SPAG16: variants seen among roughly 807,000 people sequenced by gnomAD.
SPAG16 encodes sperm-associated antigen 16 protein.
SPAG16 carries 86 observed loss-of-function variants against 80.4 expected under a neutral mutation model. That is an observed-to-expected ratio of 1.07 (90% CI 0.90 to 1.28). The LOEUF (loss-of-function observed/expected upper bound fraction) is 1.28. SPAG16 is among the 50% of genes most tolerant of loss of function. The pLI is 0.00. For synonymous variants in SPAG16, 294 were observed against 265.9 expected, an observed-to-expected ratio of 1.11 and a Z score of -1.03; for missense variants, 870 against 765.3, an observed-to-expected ratio of 1.14 and a Z score of -1.61.
chr2:213,745,805 C>G (rs1010566146), intron 10 of SPAG16, among the ~76,000 whole-genome samples: 4 of 152,008 alleles, frequency 2.6e-5, no homozygotes, highest in Non-Finnish European at 4.4e-5. Flanking sequence ...CACTTCTTGA[C>G]CTTAAATACT....
At chr2:213,423,974 A>G (rs1400598633) in intron 9 of SPAG16, among the ~76,000 whole-genome samples, 1 of 152,166 alleles carries the variant, frequency 6.6e-6, no homozygotes, top group East Asian at 1.9e-4. Flanking sequence ...TCCTACATTC[A>G]TAGTTGGCTG....
intron 15 of SPAG16, among the ~76,000 whole-genome samples, chr2:214,200,404 G>A (rs1343356190): frequency 1.3e-5 from 2 of 152,110 alleles, no homozygotes; most frequent in Non-Finnish European, 2.9e-5. Context: ...ATTTGCATAT[G>A]TTAAACCACC....
At chr2:214,057,417 T>C (rs1413462037) in intron 13 of SPAG16, among the ~76,000 whole-genome samples, 1 of 152,166 alleles carries the variant, frequency 6.6e-6, no homozygotes, top group Non-Finnish European at 1.5e-5. Flanking sequence ...ATATTATTAA[T>C]CTTTTTTTTG....
intron 5 of SPAG16, among the ~76,000 whole-genome samples, chr2:213,336,716 GT>G (rs1240541049): frequency 2.6e-5 from 4 of 152,194 alleles, no homozygotes; most frequent in African/African-American, 9.7e-5. Flanking sequence ...CTAGACAGGA[GT>G]TTATGAACAG....
chr2:213,910,255 C>T (rs971356944), intron 11 of SPAG16, among the ~76,000 whole-genome samples: 3 of 152,032 alleles, frequency 2.0e-5, no homozygotes, highest in African/African-American at 7.2e-5. Context: ...TTATTTTATT[C>T]CACTAGTTAC....
intron 10 of SPAG16, among the ~76,000 whole-genome samples, chr2:213,690,789 C>G (rs2125294020): frequency 6.6e-6 from 1 of 152,214 alleles, no homozygotes; most frequent in East Asian, 1.9e-4. Context: ...GTTCTTCAGC[C>G]TTTGGTCTGT....
intron 10 of SPAG16, among the ~76,000 whole-genome samples, chr2:213,751,386 A>C (rs1023051848): frequency 6.6e-6 from 1 of 152,176 alleles, no homozygotes; most frequent in African/African-American, 2.4e-5. Flanking sequence ...TCAATATTAG[A>C]ATAATGTAAA....
intron 15 of SPAG16, among the ~76,000 whole-genome samples, chr2:214,281,898 A>G (rs1174185534): frequency 6.6e-6 from 1 of 152,216 alleles, no homozygotes; most frequent in Admixed American, 6.5e-5. Flanking sequence ...TTTAAAAGCT[A>G]GTCAAAAAAC....
At chr2:214,377,190 G>A (rs1199455746) in intron 15 of SPAG16, among the ~76,000 whole-genome samples, 1 of 152,132 alleles carries the variant, frequency 6.6e-6, no homozygotes, top group South Asian at 2.1e-4. Context: ...TCTTCGGTAA[G>A]TTGCAGATCC....
intron 11 of SPAG16, among the ~76,000 whole-genome samples, chr2:213,907,183 A>G (rs2077466296): frequency 6.6e-6 from 1 of 152,172 alleles, no homozygotes; most frequent in Admixed American, 6.6e-5. Context: ...CGGCAATGAC[A>G]AAACCTACAA....
intron 10 of SPAG16, among the ~76,000 whole-genome samples, chr2:213,668,008 T>C (rs1376394226): frequency 6.6e-6 from 1 of 150,970 alleles, no homozygotes; most frequent in African/African-American, 2.5e-5. Context: ...GTGCATGATC[T>C]CGGCTCACTG....
chr2:213,284,500 G>C lies in SPAG16; in HGVS notation c.17G>C (p.Gly6Ala). 1 of 1,574,292 alleles carries C rather than the reference G, an allele frequency of 6.4e-7. No homozygotes were observed. Among genetic ancestry groups the C allele is most frequent in the Non-Finnish European group, 8.6e-7 (1 of 1,160,206 alleles). Residue 6 changes from glycine to alanine, a missense_variant, in exon 1 of 16, where the codon GGG becomes GCG. Transcript: ENST00000331683. Reference sequence around the variant, plus strand: ...GCGCCAGAGATGGCTGCTCAGCGAGGGATGCCCAGCTCCGCCGTGAGGGTC... The same window carrying C: ...GCGCCAGAGATGGCTGCTCAGCGAGCGATGCCCAGCTCCGCCGTGAGGGTC... MAAQR[G>A]MPSSAVRVLE...
intron 12 of SPAG16, among the ~76,000 whole-genome samples, chr2:213,975,782 T>C (rs2045340818): frequency 6.6e-6 from 1 of 151,968 alleles, no homozygotes; most frequent in Admixed American, 6.6e-5. Context: ...ACACACTGTG[T>C]TTATCAATTG....
At position 213,669,817 on chromosome 2, in the gene SPAG16, G is replaced by A. The variant is rs192876036; in HGVS notation, c.1070+179727G>A. ...TCCATTTTCTCACCTGCTTCCACTC[G>A]TAAATTCTCACCTCCTGCAATAGAA... On this transcript the variant is annotated intron_variant, in intron 10 of 15. Coordinates refer to ENST00000331683, the MANE Select transcript of SPAG16 (RefSeq NM_024532.5). 3.7e-3 allele frequency among the ~76,000 whole-genome samples: 557 copies of A among 152,046 alleles called. 2 individuals are homozygous for A. The highest frequency in any genetic ancestry group is 0.011 in the African/African-American group (470 of 41,472).
rs1248465249 is a variant in SPAG16 at position 213,292,663 on chromosome 2, C to CAAAAAA, written c.137-3394_137-3389dup. Among the ~76,000 whole-genome samples, 66 of 76,358 alleles carry CAAAAAA rather than the reference C, an allele frequency of 8.6e-4. 1 individual carries two copies. The highest frequency in any genetic ancestry group is 2.7e-3 in the South Asian group (6 of 2,206). The allele number at this position is 76,358 out of a possible 152,430, so 50.1% of individuals were successfully genotyped here. On this transcript the variant is annotated intron_variant, in intron 1 of 15. Coordinates refer to ENST00000331683, the MANE Select transcript of SPAG16 (RefSeq NM_024532.5). ...TGGGCGACAGAGCGAGACTCCGTCT[C>CAAAAAA]AAAAAAAAAAAACAAAAAAAACAAA...
At chr2:213,360,693 A>G (rs1392444209) in intron 7 of SPAG16, among the ~76,000 whole-genome samples, 1 of 152,244 alleles carries the variant, frequency 6.6e-6, no homozygotes, top group Non-Finnish European at 1.5e-5. Flanking sequence ...GAAATTGAAC[A>G]TATTAGTAGT....
At chr2:213,402,159 A>G (rs2125341735) in intron 9 of SPAG16, among the ~76,000 whole-genome samples, 1 of 152,152 alleles carries the variant, frequency 6.6e-6, no homozygotes, top group African/African-American at 2.4e-5. Flanking sequence ...CATAATAGGT[A>G]TAATTTTTTA....
chr2:213,303,298 A>G (rs187630486), intron 3 of SPAG16, among the ~76,000 whole-genome samples: 122 of 152,018 alleles, frequency 8.0e-4, no homozygotes, highest in Admixed American at 1.6e-3. Context: ...AGGTACATAT[A>G]TTTATCGGGT....
Position 214,116,912 on chromosome 2 carries a change from A to C in SPAG16, c.1593+8651A>C, listed in dbSNP as rs1365957340. Among the ~76,000 whole-genome samples, 9 of 152,320 alleles carry C rather than the reference A, an allele frequency of 5.9e-5. 1 individual carries two copies. The South Asian group carries it at 1.9e-3, about 32-fold the overall frequency. ...GGCACAGTAAAGCCAGACTGTGAAG[A>C]CTGGAACAAATACCCAGTCTTTCAA... On this transcript the variant is annotated intron_variant, in intron 14 of 15. Transcript: ENST00000331683.
Sources: gnomAD v4.1 joint callset for allele counts (sites outside exome capture counted in the v4.1 genomes callset) on GRCh38, gnomAD v4.1.1 for gene constraint, MANE v1.5 for transcripts, NCBI Gene and HGNC (gene_info 2026-07-23, HGNC 2026-07-21) for gene names.